The following TSPEAR variants were observed in gnomAD, a reference collection of about 807,000 sequenced individuals.
The protein encoded by TSPEAR is thrombospondin type laminin G domain and EAR repeats.
A neutral mutation model predicts 71.6 loss-of-function variants in TSPEAR; 69 were observed. The observed-to-expected ratio is 0.96, with a 90% CI of 0.79 to 1.18. The LOEUF is 1.18. Ranked by LOEUF, TSPEAR falls within the 50% of genes most tolerant of loss-of-function variation. The probability of loss-of-function intolerance (pLI) is 0.00; values close to 1 mark genes in which losing one functional copy is unlikely to be tolerated. For missense variants in TSPEAR, 971 were observed against 894.9 expected (o/e 1.09, Z -1.09); for synonymous variants, 402 against 387.2 (o/e 1.04, Z -0.45).
chr21:44,646,479 T>G (rs201588729), intron 1 of TSPEAR: 3 of 1,612,710 alleles, frequency 1.9e-6, no homozygotes. Context: ...CCACCATGTC[T>G]GTCTGCTCCA....
intron 2 of TSPEAR, chr21:44,551,064 G>A (rs2053417641): frequency 6.2e-7 from 1 of 1,611,522 alleles, no homozygotes. Flanking sequence ...GGAGGAAGAG[G>A]CACAGCAAGC....
At chr21:44,521,699 G>T (rs1043341209) in intron 9 of TSPEAR, among the ~76,000 whole-genome samples, 184 bp downstream of exon 9, 1 of 152,224 alleles carries the variant, frequency 6.6e-6, no homozygotes, top group Non-Finnish European at 1.5e-5. Flanking sequence ...GGGCTCAGAC[G>T]CCAGGCAAGG....
At chr21:44,689,737 A>ATATATATATATATATATATATATT (rs1987043074) in intron 1 of TSPEAR, among the ~76,000 whole-genome samples, 2 of 127,152 alleles carry the variant, frequency 1.6e-5, no homozygotes, top group African/African-American at 6.4e-5. Flanking sequence ...ATATATATAT[A>ATATATATATATATATATATATATT]TATTTTGGGG....
chr21:44,551,570 C>G, intron 2 of TSPEAR: 1 of 1,439,798 alleles, frequency 6.9e-7, no homozygotes, highest in South Asian at 1.4e-5. Flanking sequence ...CTTTTATATG[C>G]CCAGGGCCTG....
chr21:44,558,314 AGAG>A (rs1293377541), intron 2 of TSPEAR: 4 of 1,613,766 alleles, frequency 2.5e-6, no homozygotes, highest in African/African-American at 2.7e-5. Flanking sequence ...GGCAGCATGA[AGAG>A]GAAGCCCCAG....
chr21:44,511,834 A>C (rs1385573591), intron 9 of TSPEAR, among the ~76,000 whole-genome samples: 10 of 152,242 alleles, frequency 6.6e-5, no homozygotes, highest in Admixed American at 6.5e-4. Flanking sequence ...GCCCAGGGTG[A>C]TGGGGGACCC....
At chr21:44,509,507 G>T (rs2052299461) in intron 9 of TSPEAR, 121 bp from the exon 10 acceptor site, 1 of 557,086 alleles carries the variant, frequency 1.8e-6, no homozygotes, top group Non-Finnish European at 3.1e-6. Context: ...GCAGAGGTGT[G>T]GGGGAGGGGG....
At chr21:44,604,136 G>A (rs142411896) in intron 1 of TSPEAR, among the ~76,000 whole-genome samples, 6 of 152,278 alleles carry the variant, frequency 3.9e-5, no homozygotes, top group African/African-American at 9.6e-5. Flanking sequence ...CTTCCTTGCC[G>A]GGCTATCTTG....
At chr21:44,639,333 C>T (rs2146224921) in intron 1 of TSPEAR, among the ~76,000 whole-genome samples, 1 of 152,348 alleles carries the variant, frequency 6.6e-6, no homozygotes, top group South Asian at 2.1e-4. Context: ...TTTGAGAGCG[C>T]ACGTCCGGCT....
chr21:44,708,093 G>A (rs1380227107), intron 1 of TSPEAR, among the ~76,000 whole-genome samples: 1 of 151,944 alleles, frequency 6.6e-6, no homozygotes, highest in Non-Finnish European at 1.5e-5. Flanking sequence ...GAGCGAGAGA[G>A]GACGGGAGAG....
At chr21:44,515,484 ATGT>A (rs2052537614) in intron 9 of TSPEAR, 1 of 149,090 alleles carries the variant, frequency 6.7e-6, no homozygotes, top group Non-Finnish European at 1.5e-5. Flanking sequence ...CTCTTCTCTG[ATGT>A]TTCTTTCAGG....
chr21:44,664,508 T>C lies in TSPEAR; in HGVS notation c.82+46925A>G, dbSNP rs587684897. 1.6e-3 allele frequency among the ~76,000 whole-genome samples: 246 copies of C among 152,294 alleles called. 1 individual carries two copies. Among genetic ancestry groups the C allele is most frequent in the Non-Finnish European group, 2.6e-3 (178 of 68,016 alleles). On this transcript the variant is annotated intron_variant, in intron 1 of 11. Coordinates refer to ENST00000323084, the MANE Select transcript of TSPEAR (RefSeq NM_144991.3). ...CCCAAATTGATCTATATAGTTTCAA[T>C]ACACTCCCAATCAAAATCTCAGCAC...
At chr21:44,579,677 G>A in intron 1 of TSPEAR, 1 of 1,526,920 alleles carries the variant, frequency 6.5e-7, no homozygotes, top group Non-Finnish European at 8.8e-7. Flanking sequence ...GTCCCAAGCG[G>A]GGGCAACCTC....
intron 1 of TSPEAR, chr21:44,697,813 A>G (rs782691564): frequency 7.5e-6 from 12 of 1,608,716 alleles, no homozygotes; most frequent in Middle Eastern, 1.7e-4. Flanking sequence ...CTGTGTGCAG[A>G]CCCGCCCGCC....
At chr21:44,625,717 G>A (rs1982728897) in intron 1 of TSPEAR, among the ~76,000 whole-genome samples, 1 of 152,216 alleles carries the variant, frequency 6.6e-6, no homozygotes, top group Non-Finnish European at 1.5e-5. Flanking sequence ...ATGGGGACGG[G>A]GGAAGGAATG....
At chr21:44,617,979 C>T (rs1982214647) in intron 1 of TSPEAR, among the ~76,000 whole-genome samples, 1 of 152,188 alleles carries the variant, frequency 6.6e-6, no homozygotes, top group African/African-American at 2.4e-5. Context: ...AGTGTCCAAA[C>T]TGTGCCTGCT....
In TSPEAR at chr21:44,607,633, T is replaced by A. The variant is rs182660973; in HGVS notation, c.83-39628A>T. ...TCGGATTTTACTACAATTAAGAGCG[T>A]CTCTTCATCAAATGATACTATTAAT... On this transcript the variant is annotated intron_variant, in intron 1 of 11. Transcript: ENST00000323084. Among the ~76,000 whole-genome samples, 395 of 152,128 alleles carry A rather than the reference T, an allele frequency of 2.6e-3. 5 individuals carry two copies. Among genetic ancestry groups the A allele is most frequent in the Non-Finnish European group, 4.4e-4 (30 of 67,984 alleles).
intron 1 of TSPEAR, chr21:44,600,704 G>A (rs782348234): frequency 1.2e-6 from 2 of 1,613,438 alleles, no homozygotes; most frequent in Non-Finnish European, 1.7e-6. Flanking sequence ...TGTGACTCTT[G>A]CTCCGACTCC....
At chr21:44,654,327 G>C in intron 1 of TSPEAR, 2 of 1,614,116 alleles carry the variant, frequency 1.2e-6, no homozygotes, top group Non-Finnish European at 1.7e-6. Flanking sequence ...CCAGGGTGGG[G>C]CAGAAGGGCT....
Sources: gnomAD v4.1 joint callset for allele counts (sites outside exome capture counted in the v4.1 genomes callset) on GRCh38, gnomAD v4.1.1 for gene constraint, MANE v1.5 for transcripts, NCBI Gene and HGNC (gene_info 2026-07-23, HGNC 2026-07-21) for gene names.